The following CTSB variants were observed in gnomAD, a reference collection of about 807,000 sequenced individuals.
CTSB encodes APP secretase.
CTSB carries 57 observed loss-of-function variants against 44.3 expected under a neutral mutation model. The ratio of observed to expected loss-of-function variants is 1.29; its 90% CI spans 1.04 to 1.60. CTSB has a LOEUF of 1.60. CTSB is among the 40% of genes most tolerant of loss of function. The pLI is 0.00. For missense variants in CTSB, 768 were observed against 443.0 expected (o/e 1.73, Z -6.59); for synonymous variants, 320 against 168.0 (o/e 1.91, Z -7.00).
intron 8 of CTSB, among the ~76,000 whole-genome samples, chr8:11,846,696 G>C (rs181487766): frequency 1.2e-3 from 183 of 152,352 alleles, no homozygotes; most frequent in African/African-American, 4.3e-3. Context: ...AAACATGCTG[G>C]TAAAGCAATG....
chr8:11,852,461 A>C (rs1175129248), intron 3 of CTSB, 149 bp downstream of exon 3: 2 of 462,664 alleles, frequency 4.3e-6, no homozygotes, highest in Non-Finnish European at 7.6e-6. Context: ...AAATGAAAAG[A>C]AACAAGTACT....
At chr8:11,846,559 T>C (rs1813384445) in intron 8 of CTSB, among the ~76,000 whole-genome samples, 1 of 152,180 alleles carries the variant, frequency 6.6e-6, no homozygotes, top group South Asian at 2.1e-4. Context: ...CCTATGGCAC[T>C]ACCCAGGGCA....
chr8:11,846,037 T>C, intron 8 of CTSB: 1 of 342,196 alleles, frequency 2.9e-6, no homozygotes, highest in Admixed American at 4.9e-5. Flanking sequence ...GCTTGTTGGC[T>C]TTAAAAATAG....
intron 8 of CTSB, 78 bp downstream of exon 8, chr8:11,846,974 G>T: frequency 5.1e-6 from 4 of 785,406 alleles, no homozygotes; most frequent in East Asian, 2.6e-5. Flanking sequence ...CAGCCCTATT[G>T]GTCAACATGA....
chr8:11,851,814 C>T (rs1241263547), intron 3 of CTSB, among the ~76,000 whole-genome samples: 1 of 151,904 alleles, frequency 6.6e-6, no homozygotes, highest in Non-Finnish European at 1.5e-5. Context: ...TTACAGGCGC[C>T]CGCCACCACG....
In CTSB at chr8:11,852,684, G is replaced by A. The variant is rs964967956; in HGVS notation, c.138C>T (p.Asn46=). 3.1e-6 allele frequency: 5 copies of A among 1,613,884 alleles called. No individual in the cohort carries two copies. The highest frequency in any genetic ancestry group is 4.2e-6 in the Non-Finnish European group (5 of 1,180,026). Residue 46 remains asparagine (N), a synonymous_variant, in exon 3 of 10, where the codon AAC becomes AAT. Transcript: ENST00000353047. The part of the protein sequence containing the change: ...KRNTTWQAGH[N]FYNVDMSYLK... The stretch of plus-strand genomic sequence containing the variant: ...AGTAGCTCATGTCCACGTTGTAGAA[G>A]TTGTGCCCGGCCTGGAAGAGAGTCA...
chr8:11,847,143 A>T lies in CTSB; in HGVS notation c.702T>A (p.Asn234Lys). The T allele has an allele frequency of 6.2e-7, 1 of 1,612,124 alleles. No homozygotes were observed. The highest frequency in any genetic ancestry group is 2.2e-5 in the East Asian group (1 of 44,834). The stretch of plus-strand genomic sequence containing the variant: ...TCTCGGCCATGATGTCCTTCTCGCT[A>T]TTGGAGACGCTGTAGGAATTGTATC... ...HYGYNSYSVS[N>K]SEKDIMAEIY... Residue 234 changes from asparagine (N) to lysine (K), a missense_variant, in exon 8 of 10, where the codon AAT becomes AAA. Physicochemically the swap from Asn to Lys is moderately conservative, Grantham distance 94. Coordinates refer to ENST00000353047, the MANE Select transcript of CTSB (RefSeq NM_001908.5).
rs373415296 is a variant in CTSB, at chr8:11,850,857, G to A, written c.327+9C>T. The A allele has an allele frequency of 5.6e-5, 89 of 1,602,790 alleles. No individual in the cohort carries two copies. In the Middle Eastern group the frequency reaches 1.2e-3, roughly 21 times the overall value. On this transcript the variant is annotated intron_variant, in intron 4 of 9. Coordinates refer to ENST00000353047, the MANE Select transcript of CTSB (RefSeq NM_001908.5). ...TCCAGCGCTTCCCCGCCAGCCAGCA[G>A]GGCCTTACCCAGCAGGAGCCACAGG... is the stretch of plus-strand genomic sequence containing the variant.
chr8:11,844,779 T>G lies in CTSB; in HGVS notation c.*346A>C. 4.4e-6 allele frequency: 1 copy of G among 225,952 alleles called. No homozygotes were observed. The highest frequency in any genetic ancestry group is 8.8e-6 in the Non-Finnish European group (1 of 113,952). 14.0% of individuals were successfully genotyped at this position (225,952 alleles called of 1,614,324 possible). On this transcript the variant is annotated 3_prime_UTR_variant, in exon 10 of 10. Transcript: ENST00000353047. ...AACTGATGGGGGAACTTTCATCCTGTTAGGAACTCCGCTTTCCATTCCTGC... is the reference window on the plus strand; with the variant it reads ...AACTGATGGGGGAACTTTCATCCTGGTAGGAACTCCGCTTTCCATTCCTGC...
At chr8:11,847,966 C>T in intron 6 of CTSB, 101 bp downstream of exon 6, 1 of 1,333,962 alleles carries the variant, frequency 7.5e-7, no homozygotes, top group South Asian at 1.3e-5. Flanking sequence ...CTCAGCAGCC[C>T]CTCTGTCTCA....
chr8:11,848,213 T>C (rs1343101953), intron 5 of CTSB, 61 bp from the exon 6 acceptor site: 2 of 1,482,244 alleles, frequency 1.3e-6, no homozygotes, highest in East Asian at 2.3e-5. Flanking sequence ...TCCAGACCAC[T>C]GTGTGCTACC....
At chr8:11,849,311 G>A (rs901973621) in intron 4 of CTSB, 147 bp from the exon 5 acceptor site, 1 of 562,788 alleles carries the variant, frequency 1.8e-6, no homozygotes. Context: ...CTCAAACTCA[G>A]CTTTTATTTT....
intron 4 of CTSB, among the ~76,000 whole-genome samples, chr8:11,850,435 A>C (rs974363823): frequency 6.8e-6 from 1 of 147,642 alleles, no homozygotes; most frequent in African/African-American, 2.5e-5. Flanking sequence ...AAAAAAAAAA[A>C]AAAAAAGAAA....
intron 1 of CTSB, among the ~76,000 whole-genome samples, chr8:11,855,902 C>G (rs999278805): frequency 1.3e-5 from 2 of 152,110 alleles, no homozygotes; most frequent in Non-Finnish European, 2.9e-5. Context: ...CCTGTAATCG[C>G]AGCTACTTGG....
rs770371081 is a variant in CTSB at position 11,853,311 on chromosome 8, C to A, written c.126+18G>T. 1.2e-6 allele frequency: 2 copies of A among 1,612,308 alleles called. No individual in the cohort carries two copies. Among genetic ancestry groups the A allele is most frequent in the Admixed American group, 3.3e-5 (2 of 59,814 alleles). On this transcript the variant is annotated intron_variant, in intron 2 of 9. Coordinates refer to ENST00000353047, the MANE Select transcript of CTSB (RefSeq NM_001908.5). The stretch of plus-strand genomic sequence containing the variant: ...GACCTGGGAGGGGACATACATAGGA[C>A]GCAGCCCCACAGCCTACCTGCCACG...
At position 11,843,517 on chromosome 8, in the gene CTSB, GGCT is replaced by G. The variant is rs1812646650; in HGVS notation, c.*1605_*1607del. On this transcript the variant is annotated 3_prime_UTR_variant, in exon 10 of 10. Coordinates refer to ENST00000353047, the MANE Select transcript of CTSB (RefSeq NM_001908.5). ...CTGCTATAACATGTTTCTAAACCAG[GGCT>G]ATGCAAAGCACTAGAGTTCCTGACC... is the stretch of plus-strand genomic sequence containing the variant. 6.6e-6 allele frequency: 1 copy of G among 152,178 alleles called. No homozygotes were observed. The highest frequency in any genetic ancestry group is 2.4e-5 in the African/African-American group (1 of 41,416). 9.4% of individuals were successfully genotyped at this position (152,178 alleles called of 1,614,324 possible). A position where few individuals can be genotyped will look rare whatever the true frequency, so the allele number is the denominator to read the frequency against.
At chr8:11,865,840 C>G (rs1167000344) in intron 1 of CTSB, among the ~76,000 whole-genome samples, 1 of 141,138 alleles carries the variant, frequency 7.1e-6, no homozygotes, top group East Asian at 2.1e-4. Context: ...AAGCCCGTCT[C>G]TACTAAAAAT....
At position 11,843,378 on chromosome 8, in the gene CTSB, C is replaced by A. The variant is rs1273616387; in HGVS notation, c.*1747G>T. On this transcript the variant is annotated 3_prime_UTR_variant, in exon 10 of 10. Transcript: ENST00000353047. ...TCACATCAGAAGCCAAACTTGAATG[C>A]TTTTGGAAAGAGCTAGCCTCATACC... 3 of 152,192 alleles carry A rather than the reference C, an allele frequency of 2.0e-5. No individual in the cohort carries two copies. Among genetic ancestry groups the A allele is most frequent in the Non-Finnish European group, 4.4e-5 (3 of 68,036 alleles). 9.4% of individuals were successfully genotyped at this position (152,192 alleles called of 1,614,324 possible).
At chr8:11,848,187 G>C in intron 5 of CTSB, 35 bp from the exon 6 acceptor site, 1 of 1,578,488 alleles carries the variant, frequency 6.3e-7, no homozygotes, top group African/African-American at 1.3e-5. Context: ...ACCTCTGAGA[G>C]AAGCACCACC....
Sources: allele counts gnomAD v4.1 joint callset (sites outside exome capture counted in the v4.1 genomes callset), GRCh38; gene constraint gnomAD v4.1.1; transcripts MANE v1.5; gene names NCBI Gene and HGNC (gene_info 2026-07-23, HGNC 2026-07-21).